The following MYO5B variants were observed in gnomAD, a reference collection of about 807,000 sequenced individuals.
MYO5B encodes the protein unconventional myosin-Vb.
A neutral mutation model predicts 229.3 loss-of-function variants in MYO5B; 143 were observed. That is an observed-to-expected ratio of 0.62 (90% CI 0.54 to 0.72). The LOEUF is 0.72. Ranked by LOEUF, MYO5B falls within the 30% of genes least tolerant of loss-of-function variation. MYO5B has a pLI of 0.00. For missense variants in MYO5B, 2,321 were observed against 2,331.0 expected, an observed-to-expected ratio of 1.00 and a Z score of 0.09; for synonymous variants, 918 against 885.2, an observed-to-expected ratio of 1.04 and a Z score of -0.66.
At chr18:49,892,677 GACAAA>G (rs2024729048) in intron 22 of MYO5B, among the ~76,000 whole-genome samples, 1 of 151,934 alleles carries the variant, frequency 6.6e-6, no homozygotes, top group Non-Finnish European at 1.5e-5. Context: ...AGGCACAGAA[GACAAA>G]ACAAAAAAAA....
chr18:49,881,197 T>G (rs2024582004), intron 22 of MYO5B, among the ~76,000 whole-genome samples: 1 of 152,196 alleles, frequency 6.6e-6, no homozygotes, highest in South Asian at 2.1e-4. Context: ...CTTTCATGTT[T>G]TTGTATTTGT....
chr18:50,044,030 T>C (rs1037798327), intron 2 of MYO5B, among the ~76,000 whole-genome samples: 4 of 152,002 alleles, frequency 2.6e-5, no homozygotes, highest in Admixed American at 6.6e-5. Context: ...CAAAAACCTA[T>C]GGCAATAAAA....
intron 1 of MYO5B, among the ~76,000 whole-genome samples, chr18:50,160,163 AAAC>A (rs1324935277): frequency 6.6e-6 from 1 of 152,254 alleles, no homozygotes; most frequent in Non-Finnish European, 1.5e-5. Context: ...ATGGAAGCAG[AAAC>A]AACGGGGCTG....
rs546502871 is a variant in MYO5B at position 50,112,147 on chromosome 18, A to G, written c.28-56769T>C. Among the ~76,000 whole-genome samples the G allele has an allele frequency of 2.0e-5, 3 of 152,338 alleles. No homozygotes were observed. In the East Asian group the frequency reaches 5.8e-4, roughly 29 times the overall value. On this transcript the variant is annotated intron_variant, in intron 1 of 39. Coordinates refer to ENST00000285039, the MANE Select transcript of MYO5B (RefSeq NM_001080467.3). The stretch of plus-strand genomic sequence containing the variant: ...AAGAAAGCCTCTCTAAGGAAGTGGC[A>G]ATGGAGAAGCAACAGGACAGAAACG...
At chr18:50,169,319 T>C (rs1196852742) in intron 1 of MYO5B, among the ~76,000 whole-genome samples, 2 of 125,816 alleles carry the variant, frequency 1.6e-5, no homozygotes, top group African/African-American at 3.0e-5. Context: ...AAAAGCTACA[T>C]AGGAAATGCA....
intron 1 of MYO5B, among the ~76,000 whole-genome samples, chr18:50,162,784 C>T (rs1342531275): frequency 6.6e-6 from 1 of 152,224 alleles, no homozygotes; most frequent in African/African-American, 2.4e-5. Flanking sequence ...ATCTGCAACC[C>T]AGAGGTCAGC....
intron 4 of MYO5B, among the ~76,000 whole-genome samples, chr18:50,003,478 C>T (rs1016139776): frequency 3.9e-5 from 6 of 152,124 alleles, no homozygotes; most frequent in Admixed American, 6.6e-5. Flanking sequence ...ATGTTTGTAT[C>T]GCCTCTTCTC....
At chr18:50,008,843 A>G (rs565221513) in intron 4 of MYO5B, among the ~76,000 whole-genome samples, 87 of 152,350 alleles carry the variant, frequency 5.7e-4, no homozygotes, top group Middle Eastern at 3.4e-3. Flanking sequence ...TAATCAGTCT[A>G]CTGCTTCTTG....
intron 29 of MYO5B, among the ~76,000 whole-genome samples, chr18:49,859,765 G>A (rs1023609179): frequency 6.6e-6 from 1 of 152,206 alleles, no homozygotes; most frequent in African/African-American, 2.4e-5. Flanking sequence ...AAAGCCAAGA[G>A]CTCTTAGTCA....
intron 1 of MYO5B, among the ~76,000 whole-genome samples, chr18:50,104,706 T>C (rs2031723411): frequency 6.6e-6 from 1 of 152,200 alleles, no homozygotes; most frequent in Non-Finnish European, 1.5e-5. Context: ...GCTAAGTTGA[T>C]AATAATCTTT....
At chr18:50,075,194 C>A (rs1475194552) in intron 1 of MYO5B, among the ~76,000 whole-genome samples, 1 of 152,114 alleles carries the variant, frequency 6.6e-6, no homozygotes, top group Non-Finnish European at 1.5e-5. Context: ...GGAGCGCATT[C>A]CAGTTGTCCT....
chr18:50,052,152 C>T (rs1483361789), intron 2 of MYO5B, among the ~76,000 whole-genome samples: 1 of 152,078 alleles, frequency 6.6e-6, no homozygotes, highest in Non-Finnish European at 1.5e-5. Flanking sequence ...TGTGGCGATT[C>T]CTCAGGGATC....
At chr18:49,889,637 G>A (rs566952464) in intron 22 of MYO5B, among the ~76,000 whole-genome samples, 2 of 152,266 alleles carry the variant, frequency 1.3e-5, no homozygotes, top group Admixed American at 1.3e-4. Context: ...AGAGCAGTAG[G>A]TCACCTGAGA....
At chr18:50,077,339 C>T (rs757399480) in intron 1 of MYO5B, among the ~76,000 whole-genome samples, 95 of 152,128 alleles carry the variant, frequency 6.2e-4, no homozygotes, top group Non-Finnish European at 1.2e-3. Context: ...GAACCAGAGA[C>T]GCTTGCTACT....
Position 50,023,529 on chromosome 18 carries a change from T to G in MYO5B, c.455+13321A>C, listed in dbSNP as rs1262822810. 2.0e-5 allele frequency among the ~76,000 whole-genome samples: 3 copies of G among 152,184 alleles called. No individual in the cohort carries two copies. In the South Asian group the frequency reaches 6.2e-4, roughly 32 times the overall value. On this transcript the variant is annotated intron_variant, in intron 4 of 39. Transcript: ENST00000285039. ...GGCCATGATCCTCTTCTCTGGCCAG[T>G]TGAGTTAGAATCCTGGCTCAATTAC...
chr18:50,140,796 T>C (rs2032406197), intron 1 of MYO5B, among the ~76,000 whole-genome samples: 1 of 152,134 alleles, frequency 6.6e-6, no homozygotes, highest in African/African-American at 2.4e-5. Flanking sequence ...ACATCTCAGG[T>C]TCAACAATTC....
In MYO5B at chr18:49,942,540, A is replaced by C. The variant is rs181779888; in HGVS notation, c.1753-5143T>G. Among the ~76,000 whole-genome samples the C allele has an allele frequency of 8.0e-3, 1,219 of 152,252 alleles. 9 individuals carry two copies. The highest frequency in any genetic ancestry group is 0.013 in the Admixed American group (195 of 15,292). On this transcript the variant is annotated intron_variant, in intron 14 of 39. Coordinates refer to ENST00000285039, the MANE Select transcript of MYO5B (RefSeq NM_001080467.3). ...CAAGAAAAAAACAAACAACCCCATCAAAAAGTGGGCGCAGGATATGAACAG... is the reference window on the plus strand; with the variant it reads ...CAAGAAAAAAACAAACAACCCCATCCAAAAGTGGGCGCAGGATATGAACAG...
chr18:49,935,602 G>A (rs138816951), intron 16 of MYO5B, among the ~76,000 whole-genome samples: 2 of 152,338 alleles, frequency 1.3e-5, no homozygotes, highest in Admixed American at 1.3e-4. Flanking sequence ...TAATGAAGCT[G>A]TAGTAGGCTT....
chr18:50,178,987 A>G (rs992669253), intron 1 of MYO5B, among the ~76,000 whole-genome samples: 3 of 151,962 alleles, frequency 2.0e-5, no homozygotes, highest in Non-Finnish European at 2.9e-5. Flanking sequence ...ACTGGAGGGG[A>G]AAAAAAAGGT....
Sources: gnomAD v4.1 joint callset for allele counts (sites outside exome capture counted in the v4.1 genomes callset) on GRCh38, gnomAD v4.1.1 for gene constraint, MANE v1.5 for transcripts, NCBI Gene and HGNC (gene_info 2026-07-23, HGNC 2026-07-21) for gene names.